ROBO2: variants seen among roughly 807,000 people sequenced by gnomAD.
ROBO2 encodes roundabout guidance receptor 2, also known as roundabout homolog 2.
ROBO2 carries 53 observed loss-of-function variants against 160.8 expected under a neutral mutation model. The ratio of observed to expected loss-of-function variants is 0.33; its 90% CI spans 0.26 to 0.41. ROBO2 has a LOEUF of 0.41. ROBO2 is among the 10% of genes least tolerant of loss of function. The probability of loss-of-function intolerance (pLI) is 1.00; values close to 1 mark genes in which losing one functional copy is unlikely to be tolerated. For synonymous variants in ROBO2, 664 were observed against 611.7 expected, an observed-to-expected ratio of 1.09 and a Z score of -1.26; for missense variants, 1,577 against 1,722.4, an observed-to-expected ratio of 0.92 and a Z score of 1.49.
chr3:76,575,904 A>G (rs940831561), intron 2 of ROBO2, among the ~76,000 whole-genome samples: 1 of 150,388 alleles, frequency 6.6e-6, no homozygotes, highest in Non-Finnish European at 1.5e-5. Flanking sequence ...TGCTTAGAAT[A>G]TGCTATCATT....
At chr3:76,604,515 C>T (rs2087486828) in intron 2 of ROBO2, among the ~76,000 whole-genome samples, 1 of 152,116 alleles carries the variant, frequency 6.6e-6, no homozygotes. Context: ...AAAAGCAATA[C>T]TCAATGAAAC....
chr3:76,714,710 A>G (rs1576184231), intron 2 of ROBO2, among the ~76,000 whole-genome samples: 1 of 152,182 alleles, frequency 6.6e-6, no homozygotes, highest in East Asian at 1.9e-4. Context: ...AGACTTAAGT[A>G]GGATAAAGAT....
chr3:77,192,873 C>T (rs1175157075), intron 2 of ROBO2, among the ~76,000 whole-genome samples: 2 of 151,760 alleles, frequency 1.3e-5, no homozygotes, highest in African/African-American at 4.8e-5. Context: ...AGGCTGGTCT[C>T]AAACTCCTGG....
chr3:76,684,966 T>C (rs1022222668), intron 2 of ROBO2, among the ~76,000 whole-genome samples: 4 of 118,790 alleles, frequency 3.4e-5, no homozygotes, highest in African/African-American at 1.5e-4. Flanking sequence ...ATTGTAACAT[T>C]TGCAGTACAA....
chr3:77,002,460 C>G (rs929025325), intron 2 of ROBO2, among the ~76,000 whole-genome samples: 4 of 151,612 alleles, frequency 2.6e-5, no homozygotes, highest in Non-Finnish European at 5.9e-5. Flanking sequence ...AATCACAGAT[C>G]ATTTGATATT....
At chr3:76,795,351 T>A (rs1363598793) in intron 2 of ROBO2, among the ~76,000 whole-genome samples, 1 of 152,084 alleles carries the variant, frequency 6.6e-6, no homozygotes, top group Non-Finnish European at 1.5e-5. Context: ...AATAATAGCA[T>A]TTTACCCACT....
At chr3:76,750,746 A>AAGGACCTC (rs1488014592) in intron 2 of ROBO2, among the ~76,000 whole-genome samples, 3 of 152,174 alleles carry the variant, frequency 2.0e-5, no homozygotes, top group African/African-American at 7.2e-5. Context: ...AAGGGATGTG[A>AAGGACCTC]AGGACCTCTT....
intron 2 of ROBO2, among the ~76,000 whole-genome samples, chr3:76,418,825 T>TA (rs1442919293): frequency 1.3e-5 from 2 of 152,214 alleles, no homozygotes; most frequent in African/African-American, 2.4e-5. Context: ...TGTCAATTGT[T>TA]AACTGAGTTA....
intron 2 of ROBO2, among the ~76,000 whole-genome samples, chr3:76,440,737 A>G (rs1041887717): frequency 1.3e-5 from 2 of 151,990 alleles, no homozygotes; most frequent in Non-Finnish European, 2.9e-5. Context: ...TTGCCCTAAC[A>G]AGGGCCAAGT....
chr3:76,248,673 AG>A (rs137939619), intron 2 of ROBO2, among the ~76,000 whole-genome samples: 12,132 of 73,642 alleles, frequency 0.16, 946 homozygotes, highest in East Asian at 0.49. Flanking sequence ...AAAAAAAAAA[AG>A]AAATTCTTCC....
At chr3:77,279,169 T>C (rs942477738) in intron 2 of ROBO2, among the ~76,000 whole-genome samples, 22 of 152,126 alleles carry the variant, frequency 1.4e-4, no homozygotes, top group African/African-American at 5.3e-4. Context: ...ATTATCACAA[T>C]ATAAAATGAG....
At chr3:77,136,437 A>G (rs958603916) in intron 2 of ROBO2, among the ~76,000 whole-genome samples, 17 of 144,822 alleles carry the variant, frequency 1.2e-4, no homozygotes, top group Admixed American at 7.7e-4. Context: ...TTGTTAATTC[A>G]TATCTTTTCC....
chr3:76,444,205 C>G (rs983826905), intron 2 of ROBO2, among the ~76,000 whole-genome samples: 1 of 152,036 alleles, frequency 6.6e-6, no homozygotes, highest in Non-Finnish European at 1.5e-5. Flanking sequence ...GTCTCAAGCT[C>G]ATGACCTAGT....
Position 76,924,202 on chromosome 3 carries a change from T to C in ROBO2, c.110-173812T>C, listed in dbSNP as rs867737844. ...TTGTATTATTATATAATTATTTATG[T>C]ACTGGTAGGACCTGAACGTTTCTTC... is the stretch of plus-strand genomic sequence containing the variant. On this transcript the variant is annotated intron_variant, in intron 2 of 26. Transcript: ENST00000487694. Among the ~76,000 whole-genome samples the C allele has an allele frequency of 9.2e-5, 14 of 152,342 alleles. No homozygotes were observed. In the Middle Eastern group the frequency reaches 0.01, roughly 111 times the overall value.
At chr3:76,971,765 A>G (rs1003744569) in intron 2 of ROBO2, among the ~76,000 whole-genome samples, 2 of 152,160 alleles carry the variant, frequency 1.3e-5, no homozygotes, top group African/African-American at 4.8e-5. Context: ...ATTATTGGCC[A>G]TAACTAGGAG....
chr3:75,911,987 T>A, intron 1 of ROBO2, among the ~76,000 whole-genome samples: 1 of 152,248 alleles, frequency 6.6e-6, no homozygotes, highest in East Asian at 1.9e-4. Flanking sequence ...AGTATTTTTT[T>A]CTTGTCCTCC....
At chr3:76,292,505 C>A (rs990688592) in intron 2 of ROBO2, among the ~76,000 whole-genome samples, 2 of 152,130 alleles carry the variant, frequency 1.3e-5, no homozygotes, top group African/African-American at 4.8e-5. Flanking sequence ...ACTCTCTATT[C>A]CACCCATTCT....
At chr3:76,693,831 C>T (rs941629862) in intron 2 of ROBO2, among the ~76,000 whole-genome samples, 3 of 152,210 alleles carry the variant, frequency 2.0e-5, no homozygotes, top group Non-Finnish European at 2.9e-5. Context: ...CTTTTAAAAT[C>T]TATCCAGGCC....
intron 2 of ROBO2, among the ~76,000 whole-genome samples, chr3:76,815,087 A>G (rs1043960530): frequency 6.6e-6 from 1 of 152,102 alleles, no homozygotes; most frequent in African/African-American, 2.4e-5. Flanking sequence ...TACATGTTAC[A>G]TTCTACCCAT....
Sources: allele counts gnomAD v4.1 joint callset (sites outside exome capture counted in the v4.1 genomes callset), GRCh38; gene constraint gnomAD v4.1.1; transcripts MANE v1.5; gene names NCBI Gene and HGNC (gene_info 2026-07-23, HGNC 2026-07-21).